DPYSL4: variants seen among roughly 807,000 people sequenced by gnomAD.
DPYSL4 encodes dihydropyrimidinase like 4, also known as dihydropyrimidinase-related protein 4.
Under a neutral mutation model 63.4 loss-of-function variants are expected in DPYSL4, and 43 were observed. The ratio of observed to expected loss-of-function variants is 0.68; its 90% CI spans 0.53 to 0.88. The LOEUF (loss-of-function observed/expected upper bound fraction) is 0.88. Ranked by LOEUF, DPYSL4 falls within the 40% of genes least tolerant of loss-of-function variation. The pLI is 0.00. For missense variants in DPYSL4, 733 were observed against 819.5 expected (o/e 0.89, Z 1.29); for synonymous variants, 353 against 331.7 (o/e 1.06, Z -0.70).
Position 132,200,335 on chromosome 10 carries a change from C to T in DPYSL4, c.812-21C>T, listed in dbSNP as rs373111978. The T allele has an allele frequency of 9.8e-4, 1,587 of 1,612,416 alleles. 1 individual carries two copies. The highest frequency in any genetic ancestry group is 1.2e-3 in the Non-Finnish European group (1,470 of 1,179,604). ...GGTGCAGGTGGTCGGTGGGGCACCT[C>T]TCATGGGCCTCGTGCTGCAGGGGTG... On this transcript the variant is annotated intron_variant, in intron 8 of 13. Transcript: ENST00000338492.
At chr10:132,203,655 C>T (rs774250830) in intron 12 of DPYSL4, 107 bp from the exon 13 acceptor site, 155 of 1,130,530 alleles carry the variant, frequency 1.4e-4, no homozygotes, top group Non-Finnish European at 1.5e-4. Flanking sequence ...CAGAGCAGGC[C>T]CAGCCCTCCA....
intron 8 of DPYSL4, 56 bp from the exon 9 acceptor site, chr10:132,200,300 G>T (rs2061995478): frequency 8.1e-6 from 13 of 1,599,790 alleles, no homozygotes; most frequent in Non-Finnish European, 1.0e-5. Flanking sequence ...CAGTTCTCGG[G>T]GCCCCAGGGG....
chr10:132,203,585 C>T, intron 12 of DPYSL4, 177 bp from the exon 13 acceptor site: 1 of 605,406 alleles, frequency 1.7e-6, no homozygotes, highest in East Asian at 2.8e-5. Flanking sequence ...CGTGTGTGAA[C>T]TTGGGTTGAG....
At chr10:132,201,543 C>A (rs923364970) in intron 10 of DPYSL4, among the ~76,000 whole-genome samples, 4 of 152,244 alleles carry the variant, frequency 2.6e-5, no homozygotes, top group Non-Finnish European at 4.4e-5. Flanking sequence ...CAGGAAGGGG[C>A]AGACCAGCAG....
In DPYSL4 at chr10:132,186,994, T is replaced by TCCGCCCCCCCCCCCCCCCCCCCCC; in HGVS notation, c.-68_-67insGCCCCCCCCCCCCCCCCCCCCCCC. ...CCACGCACGCGTCCCGGCTCACGCG[T>TCCGCCCCCCCCCCCCCCCCCCCCC]CCCCCCGCCCGCCCGCCCGCCCGCC... On this transcript the variant is annotated 5_prime_UTR_variant, in exon 1 of 14. Transcript: ENST00000338492. 2 of 217,372 alleles carry TCCGCCCCCCCCCCCCCCCCCCCCC rather than the reference T, an allele frequency of 9.2e-6. No individual in the cohort carries two copies. Among genetic ancestry groups the TCCGCCCCCCCCCCCCCCCCCCCCC allele is most frequent in the South Asian group, 7.5e-5 (1 of 13,406 alleles). 13.5% of individuals were successfully genotyped at this position (217,372 alleles called of 1,614,324 possible).
intron 6 of DPYSL4, among the ~76,000 whole-genome samples, 195 bp downstream of exon 6, chr10:132,197,296 G>T (rs1040914042): frequency 1.3e-5 from 2 of 152,226 alleles, no homozygotes; most frequent in Non-Finnish European, 2.9e-5. Flanking sequence ...GAGACTGGGG[G>T]GTGATGGGGA....
chr10:132,195,088 A>G, intron 4 of DPYSL4, 79 bp downstream of exon 4: 24 of 1,493,536 alleles, frequency 1.6e-5, no homozygotes, highest in Non-Finnish European at 2.2e-5. Context: ...TGTTCTGCCG[A>G]TGGTGCTGCT....
intron 11 of DPYSL4, 76 bp downstream of exon 11, chr10:132,202,192 G>T: frequency 1.3e-6 from 2 of 1,535,782 alleles, no homozygotes; most frequent in East Asian, 2.3e-5. Flanking sequence ...CAGGAGAGGC[G>T]CAGGACAGAG....
intron 4 of DPYSL4, 22 bp from the exon 5 acceptor site, chr10:132,196,839 C>G: frequency 6.2e-7 from 1 of 1,613,434 alleles, no homozygotes; most frequent in Non-Finnish European, 8.5e-7. Context: ...GGCTGAGCCT[C>G]TGACCCCTGC....
Position 132,187,051 on chromosome 10 carries a change from C to A in DPYSL4, c.-13C>A. The A allele has an allele frequency of 7.3e-7, 1 of 1,372,108 alleles. No homozygotes were observed. The highest frequency in any genetic ancestry group is 6.1e-5 in the East Asian group (1 of 16,306). The allele number at this position is 1,372,108 out of a possible 1,614,324, so 85.0% of individuals were successfully genotyped here. A position where few individuals can be genotyped will look rare whatever the true frequency, so the allele number is the denominator to read the frequency against. On this transcript the variant is annotated 5_prime_UTR_variant, in exon 1 of 14. Transcript: ENST00000338492. Reference sequence around the variant, plus strand: ...CGCTTGTGCCGCCCCTACCAGAGACCCCCAGGAGCAGGATGTCCTTCCAGG... The same window carrying A: ...CGCTTGTGCCGCCCCTACCAGAGACACCCAGGAGCAGGATGTCCTTCCAGG...
chr10:132,204,623 T>G (rs917748185), intron 13 of DPYSL4, among the ~76,000 whole-genome samples: 1 of 152,096 alleles, frequency 6.6e-6, no homozygotes, highest in Non-Finnish European at 1.5e-5. Flanking sequence ...CCCGCAGGTT[T>G]CATGATCTCC....
intron 2 of DPYSL4, chr10:132,192,335 A>C: frequency 9.8e-7 from 1 of 1,020,106 alleles, no homozygotes; most frequent in Non-Finnish European, 1.2e-6. Flanking sequence ...ACTGGTGCCC[A>C]CATCTATTAG....
intron 5 of DPYSL4, 37 bp downstream of exon 5, chr10:132,196,959 A>G: frequency 6.2e-7 from 1 of 1,613,442 alleles, no homozygotes. Context: ...GGGCAGGTAT[A>G]TCCCAGGCCG....
chr10:132,204,676 C>G (rs2062070192), intron 13 of DPYSL4, among the ~76,000 whole-genome samples, 163 bp from the exon 14 acceptor site: 1 of 152,224 alleles, frequency 6.6e-6, no homozygotes, highest in African/African-American at 2.4e-5. Context: ...GATGGGAGTC[C>G]TGCCGGGCAC....
At chr10:132,189,497 G>C (rs1038388254) in intron 1 of DPYSL4, among the ~76,000 whole-genome samples, 1 of 152,208 alleles carries the variant, frequency 6.6e-6, no homozygotes. Flanking sequence ...TAACGCCACA[G>C]CTCTGTGCTG....
At chr10:132,200,700 C>A (rs1350105027) in intron 9 of DPYSL4, 142 bp from the exon 10 acceptor site, 17 of 1,366,922 alleles carry the variant, frequency 1.2e-5, no homozygotes, top group Non-Finnish European at 1.5e-5. Flanking sequence ...CGCTCCCCTG[C>A]ACAGAGGCAC....
chr10:132,188,066 C>T (rs2061828646), intron 1 of DPYSL4, among the ~76,000 whole-genome samples: 1 of 152,152 alleles, frequency 6.6e-6, no homozygotes, highest in East Asian at 1.9e-4. Context: ...ATGGGAGGGG[C>T]TGCTGCCTCC....
At chr10:132,197,673 C>A (rs1198405039) in intron 6 of DPYSL4, among the ~76,000 whole-genome samples, 1 of 152,224 alleles carries the variant, frequency 6.6e-6, no homozygotes, top group African/African-American at 2.4e-5. Flanking sequence ...GGGGTCACCA[C>A]ACAGGACACA....
rs1450234787 is a variant in DPYSL4 at position 132,196,913 on chromosome 10, C to T, written c.531C>T (p.Ser177=). The T allele has an allele frequency of 9.9e-6, 16 of 1,611,770 alleles. No homozygotes were observed. The highest frequency in any genetic ancestry group is 4.0e-5 in the African/African-American group (3 of 74,790). Residue 177 remains serine (S), a synonymous_variant, in exon 5 of 14, where the codon AGC becomes AGT. Coordinates refer to ENST00000338492, the MANE Select transcript of DPYSL4 (RefSeq NM_006426.3). ...FMAYKDRCQC[S]DSQMYEIFSI... ...CATACAAGGACCGGTGCCAGTGCAG[C>T]GACAGCCAGGTAAGGGCAGGCGTGG... is the stretch of plus-strand genomic sequence containing the variant.
Sources: allele counts gnomAD v4.1 joint callset (sites outside exome capture counted in the v4.1 genomes callset), GRCh38; gene constraint gnomAD v4.1.1; transcripts MANE v1.5; gene names NCBI Gene and HGNC (gene_info 2026-07-23, HGNC 2026-07-21).